RNGTT: variants seen among roughly 807,000 people sequenced by gnomAD.
The protein encoded by RNGTT is mRNA-capping enzyme.
Under a neutral mutation model 79.3 loss-of-function variants are expected in RNGTT, and 33 were observed. The observed-to-expected ratio is 0.42, with a 90% CI of 0.32 to 0.56. The LOEUF (loss-of-function observed/expected upper bound fraction) is 0.56, where lower values mean the gene tolerates loss of function less well. RNGTT is among the 20% of genes least tolerant of loss of function. RNGTT has a pLI of 0.17. For synonymous variants in RNGTT, 222 were observed against 235.9 expected (o/e 0.94, Z 0.54); for missense variants, 497 against 739.1 (o/e 0.67, Z 3.80).
chr6:88,647,715 A>AAAAAAAAAAAAAAAAAAAAAAAAAAG (rs531898293), intron 14 of RNGTT, among the ~76,000 whole-genome samples: 15 of 142,484 alleles, frequency 1.1e-4, no homozygotes, highest in African/African-American at 3.9e-4. Context: ...AAAAAAAAAA[A>AAAAAAAAAAAAAAAAAAAAAAAAAAG]AAGAAGAAGA....
chr6:88,678,636 G>T (rs1170490891), intron 13 of RNGTT, among the ~76,000 whole-genome samples: 9 of 151,956 alleles, frequency 5.9e-5, no homozygotes, highest in Non-Finnish European at 8.8e-5. Context: ...AAAATAATGG[G>T]AGCCAAGTGT....
chr6:88,723,066 A>C (rs943147002), intron 13 of RNGTT, among the ~76,000 whole-genome samples: 4 of 152,242 alleles, frequency 2.6e-5, no homozygotes, highest in African/African-American at 7.2e-5. Context: ...AACAGCAACA[A>C]CAAAAAGTTA....
At chr6:88,866,759 T>C (rs1782179526) in intron 8 of RNGTT, among the ~76,000 whole-genome samples, 1 of 152,156 alleles carries the variant, frequency 6.6e-6, no homozygotes, top group Admixed American at 6.5e-5. Flanking sequence ...AAGATTCAAA[T>C]TGAATAAAGT....
At chr6:88,723,770 A>G (rs1166695394) in intron 13 of RNGTT, among the ~76,000 whole-genome samples, 1 of 152,098 alleles carries the variant, frequency 6.6e-6, no homozygotes, top group African/African-American at 2.4e-5. Flanking sequence ...TGTCACCCAG[A>G]CTGGAGTGCA....
At chr6:88,954,415 G>T (rs993944185) in intron 1 of RNGTT, among the ~76,000 whole-genome samples, 1 of 152,024 alleles carries the variant, frequency 6.6e-6, no homozygotes, top group Non-Finnish European at 1.5e-5. Flanking sequence ...TGAAAAAAAG[G>T]ATTCGTCCAA....
chr6:88,667,127 A>C (rs1283561869), intron 14 of RNGTT, among the ~76,000 whole-genome samples: 7 of 151,738 alleles, frequency 4.6e-5, no homozygotes, highest in African/African-American at 1.7e-4. Context: ...AGCAGCATCC[A>C]CTCCCTTCCG....
intron 13 of RNGTT, among the ~76,000 whole-genome samples, chr6:88,696,601 TAC>T (rs67058652): frequency 0.29 from 42,449 of 146,974 alleles, 6,159 homozygotes; most frequent in Non-Finnish European, 0.35. Context: ...AATCCTGAAG[TAC>T]ACACACACAC....
At chr6:88,890,959 A>T (rs1783030316) in intron 7 of RNGTT, among the ~76,000 whole-genome samples, 1 of 152,114 alleles carries the variant, frequency 6.6e-6, no homozygotes, top group Admixed American at 6.5e-5. Context: ...TAGACCCCAT[A>T]TTTCCCCAAC....
At chr6:88,617,558 C>T (rs1401818492) in intron 14 of RNGTT, among the ~76,000 whole-genome samples, 1 of 152,082 alleles carries the variant, frequency 6.6e-6, no homozygotes, top group Admixed American at 6.6e-5. Context: ...TATCTTTATG[C>T]CAGTAATTAA....
At chr6:88,929,802 G>A (rs1053230408) in intron 2 of RNGTT, among the ~76,000 whole-genome samples, 16 of 151,128 alleles carry the variant, frequency 1.1e-4, no homozygotes, top group Admixed American at 3.3e-4. Context: ...TATATATGAT[G>A]TGTATATATA....
At chr6:88,941,898 A>T (rs1784860297) in intron 1 of RNGTT, among the ~76,000 whole-genome samples, 1 of 152,164 alleles carries the variant, frequency 6.6e-6, no homozygotes, top group African/African-American at 2.4e-5. Flanking sequence ...AAAAGTTATT[A>T]ATTTAAAACT....
chr6:88,803,671 A>G (rs1779866346), intron 11 of RNGTT, among the ~76,000 whole-genome samples: 1 of 151,864 alleles, frequency 6.6e-6, no homozygotes, highest in South Asian at 2.1e-4. Context: ...TTTTTCAAAA[A>G]AAAAAAAAAG....
At chr6:88,765,498 T>G (rs1471992640) in intron 13 of RNGTT, among the ~76,000 whole-genome samples, 2 of 152,364 alleles carry the variant, frequency 1.3e-5, no homozygotes, top group Non-Finnish European at 2.9e-5. Context: ...TTTTTCATCT[T>G]AGCCCATTAG....
intron 14 of RNGTT, among the ~76,000 whole-genome samples, chr6:88,641,021 C>A (rs559779904): frequency 2.0e-5 from 3 of 152,114 alleles, no homozygotes; most frequent in Non-Finnish European, 4.4e-5. Flanking sequence ...GGATAAAAAG[C>A]TCCCAGTTCA....
chr6:88,690,763 T>C (rs1775449059), intron 13 of RNGTT, among the ~76,000 whole-genome samples: 1 of 152,136 alleles, frequency 6.6e-6, no homozygotes, highest in African/African-American at 2.4e-5. Context: ...ATTTAGAGAC[T>C]GAAAGAAGCC....
rs561670123 is a variant in RNGTT, at chr6:88,680,602, C to T, written c.1440-2183G>A. Among the ~76,000 whole-genome samples, 16 of 151,910 alleles carry T rather than the reference C, an allele frequency of 1.1e-4. No homozygotes were observed. The South Asian group carries it at 2.1e-3, about 20-fold the overall frequency. On this transcript the variant is annotated intron_variant, in intron 13 of 15. Coordinates refer to ENST00000369485, the MANE Select transcript of RNGTT (RefSeq NM_003800.5). ...ACTAAAAATACAAAAATTAGCCAGGCGTGGTGGCGCATGCTTGTAATCCCA... is the reference window on the plus strand; with the variant it reads ...ACTAAAAATACAAAAATTAGCCAGGTGTGGTGGCGCATGCTTGTAATCCCA...
chr6:88,621,836 A>C (rs1007823595), intron 14 of RNGTT, among the ~76,000 whole-genome samples: 1 of 152,006 alleles, frequency 6.6e-6, no homozygotes, highest in Non-Finnish European at 1.5e-5. Flanking sequence ...AATAGCCAAA[A>C]TTCTGAAACA....
At chr6:88,772,209 G>A (rs1778708419) in intron 12 of RNGTT, among the ~76,000 whole-genome samples, 1 of 150,838 alleles carries the variant, frequency 6.6e-6, no homozygotes, top group Non-Finnish European at 1.5e-5. Context: ...AGCATCTAGA[G>A]GAACAAAATA....
At chr6:88,670,592 T>C (rs758490641) in intron 14 of RNGTT, among the ~76,000 whole-genome samples, 9 of 152,172 alleles carry the variant, frequency 5.9e-5, no homozygotes, top group Non-Finnish European at 1.3e-4. Context: ...AATGGCCAGA[T>C]GGTTTAGTGC....
Sources: gnomAD v4.1 joint callset for allele counts (sites outside exome capture counted in the v4.1 genomes callset) on GRCh38, gnomAD v4.1.1 for gene constraint, MANE v1.5 for transcripts, NCBI Gene and HGNC (gene_info 2026-07-23, HGNC 2026-07-21) for gene names.